ADAMTS13: variants seen among roughly 807,000 people sequenced by gnomAD.
The protein encoded by ADAMTS13 is ADAM metallopeptidase with thrombospondin type 1 motif 13.
ADAMTS13 carries 110 observed loss-of-function variants against 155.1 expected under a neutral mutation model. That is an observed-to-expected ratio of 0.71 (90% confidence interval 0.61 to 0.83). The LOEUF is 0.83. Ranked by LOEUF, ADAMTS13 falls within the 40% of genes least tolerant of loss-of-function variation. The pLI is 0.00. For missense variants in ADAMTS13, 1,707 were observed against 1,891.7 expected, an observed-to-expected ratio of 0.90 and a Z score of 1.81; for synonymous variants, 758 against 756.4, an observed-to-expected ratio of 1.00 and a Z score of -0.03.
chr9:133,428,811 C>T, intron 7 of ADAMTS13, 40 bp downstream of exon 7: 1 of 1,257,630 alleles, frequency 8.0e-7, no homozygotes, highest in South Asian at 2.6e-5. Context: ...GAGCCTCCAG[C>T]CAGCCCGCTG....
intron 25 of ADAMTS13, chr9:133,455,842 T>C: frequency 1.3e-6 from 1 of 762,342 alleles, no homozygotes; most frequent in Admixed American, 2.2e-5. Flanking sequence ...TGGGCTGCTC[T>C]GCATGTGCCC....
In ADAMTS13 at chr9:133,454,627, C is replaced by G. The variant is rs782260394; in HGVS notation, c.3249+8C>G. On this transcript the variant is annotated splice_region_variant and intron_variant, in intron 24 of 28. Transcript: ENST00000355699. ...GTTGGCACCTGGATGGAGGTGAGCA[C>G]AGCGGGCACTCGGAATCCCTATGGG... 1 of 1,592,012 alleles carries G rather than the reference C, an allele frequency of 6.3e-7. No individual in the cohort carries two copies. The highest frequency in any genetic ancestry group is 8.5e-7 in the Non-Finnish European group (1 of 1,175,640).
At chr9:133,419,811 T>C (rs904452726), upstream of ADAMTS13, among the ~76,000 whole-genome samples, 18 of 152,008 alleles carry the variant, frequency 1.2e-4, 1 homozygote, top group Admixed American at 1.0e-3. Context: ...TGATATCGGC[T>C]CACCACAATC....
chr9:133,441,985 C>T lies in ADAMTS13; in HGVS notation c.1969-414C>T, dbSNP rs1035221959. Among the ~76,000 whole-genome samples the T allele has an allele frequency of 6.6e-6, 1 of 152,214 alleles. No homozygotes were observed. Among genetic ancestry groups the T allele is most frequent in the African/African-American group, 2.4e-5 (1 of 41,444 alleles). ...ACCCTATCATGTAACCCACCAATGA[C>T]TTGGTAATTACCTCCCCGAGCCCTC... On this transcript the variant is annotated intron_variant, in intron 16 of 28. Transcript: ENST00000355699. This position sits in a 1 kb window ranked among gnomAD's most constrained non-coding sequence, Gnocchi z 5.0.
upstream of ADAMTS13, chr9:133,422,293 C>T: frequency 1.3e-6 from 1 of 756,010 alleles, no homozygotes; most frequent in Non-Finnish European, 2.2e-6. Flanking sequence ...TAGCCACGGC[C>T]CCTGCCCTGG....
rs1249023289 is a variant in ADAMTS13, at chr9:133,440,317, C to T, written c.1787-27C>T. 18 of 1,613,448 alleles carry T rather than the reference C, an allele frequency of 1.1e-5. No homozygotes were observed. Among genetic ancestry groups the T allele is most frequent in the South Asian group, 6.6e-5 (6 of 91,086 alleles). On this transcript the variant is annotated intron_variant, in intron 15 of 28. Coordinates refer to ENST00000355699, the MANE Select transcript of ADAMTS13 (RefSeq NM_139027.6). The surrounding 1 kb of genome is among the most constrained non-coding windows in gnomAD (Gnocchi z 4.3). ...AGGAGGATGGGTGCTCAGCTCCACACAGCTAACAGGGCTGGTTCCCCGACA... is the reference window on the plus strand; with the variant it reads ...AGGAGGATGGGTGCTCAGCTCCACATAGCTAACAGGGCTGGTTCCCCGACA...
rs587750165 is a variant in ADAMTS13, at chr9:133,414,487, T to C, written n.130T>C. On this transcript the variant is annotated non_coding_transcript_exon_variant, in exon 1 of 18. Coordinates refer to the ADAMTS13 transcript ENST00000485925. ...CTCAACGCTCGGAAGAAGCAGGCCCTGCCTTATCATGCGCACACTCTAGGG... is the reference window on the plus strand; with the variant it reads ...CTCAACGCTCGGAAGAAGCAGGCCCCGCCTTATCATGCGCACACTCTAGGG... The C allele has an allele frequency of 1.7e-3, 1,218 of 718,816 alleles. 19 individuals are homozygous for C. The South Asian group carries it at 0.017, about 10-fold the overall frequency. 44.5% of individuals were successfully genotyped at this position (718,816 alleles called of 1,614,324 possible).
intron 25 of ADAMTS13, 164 bp from the exon 26 acceptor site, chr9:133,455,905 A>C: frequency 1.1e-6 from 1 of 916,300 alleles, no homozygotes; most frequent in Admixed American, 2.0e-5. Flanking sequence ...TGATGCTCTG[A>C]CCTATGCAGC....
chr9:133,433,518 C>T lies in ADAMTS13; in HGVS notation c.1233C>T (p.Cys411=). ...GTGTGGTCACCAGGAGGCGGCAGTG[C>T]AACAACCCCAGGTACCGCAGGGAGG... ...GGGVVTRRRQ[C]NNPRPAFGGR... The change falls in exon 10 of 29, where the codon TGC becomes TGT. Residue 411 remains cysteine, a synonymous_variant. Transcript: ENST00000355699. The T allele has an allele frequency of 6.2e-7, 1 of 1,613,566 alleles. No individual in the cohort carries two copies. Among genetic ancestry groups the T allele is most frequent in the African/African-American group, 1.3e-5 (1 of 75,006 alleles).
rs960469671 is a variant in ADAMTS13 at position 133,441,994 on chromosome 9, T to A, written c.1969-405T>A. On this transcript the variant is annotated intron_variant, in intron 16 of 28. Transcript: ENST00000355699. The surrounding 1 kb of genome is among the most constrained non-coding windows in gnomAD (Gnocchi z 5.0). Reference sequence around the variant, plus strand: ...TGTAACCCACCAATGACTTGGTAATTACCTCCCCGAGCCCTCTATCCCAAC... The same window carrying A: ...TGTAACCCACCAATGACTTGGTAATAACCTCCCCGAGCCCTCTATCCCAAC... Among the ~76,000 whole-genome samples the A allele has an allele frequency of 1.3e-5, 2 of 152,158 alleles. No individual in the cohort carries two copies. The highest frequency in any genetic ancestry group is 2.9e-5 in the Non-Finnish European group (2 of 68,018).
Position 133,430,093 on chromosome 9 carries a change from G to T in ADAMTS13, c.979G>T (p.Glu327Ter). The change falls in exon 8 of 29, where the codon GAG becomes TAG. Residue 327 changes from glutamate to a stop codon, truncating the protein, a stop_gained. Transcript: ENST00000355699. LOFTEE classifies it high-confidence loss of function. ...GGCTGTCGCCTGCACCTTCGCCAGG[G>T]AGCACCTGGTGAGTCTGCCGGCGGT... ...PKAVACTFAR[E>*]HLDMCQALSC... 6.3e-7 allele frequency: 1 copy of T among 1,587,138 alleles called. No homozygotes were observed. The highest frequency in any genetic ancestry group is 1.1e-5 in the South Asian group (1 of 88,884).
In ADAMTS13 at chr9:133,459,273, GTATCT is replaced by G. The variant is rs1564449540; in HGVS notation, c.*94_*98del. The G allele has an allele frequency of 7.7e-7, 1 of 1,291,644 alleles. No homozygotes were observed. Among genetic ancestry groups the G allele is most frequent in the East Asian group, 2.5e-5 (1 of 39,766 alleles). The allele number at this position is 1,291,644 out of a possible 1,614,324, so 80.0% of individuals were successfully genotyped here. A position where few individuals can be genotyped will look rare whatever the true frequency, so the allele number is the denominator to read the frequency against. On this transcript the variant is annotated 3_prime_UTR_variant, in exon 29 of 29. Transcript: ENST00000355699. The stretch of plus-strand genomic sequence containing the variant: ...CAATTCGAACTTTTTCCAATCTTAG[GTATCT>G]ACTTTAGAGTCTTCTCCAATGTCCA...
At chr9:133,435,678 C>T (rs587658773) in intron 11 of ADAMTS13, among the ~76,000 whole-genome samples, 10 of 150,464 alleles carry the variant, frequency 6.6e-5, no homozygotes, top group African/African-American at 1.2e-4. Context: ...TACAGACGCC[C>T]GCCACCACGC....
Position 133,425,936 on chromosome 9 carries a change from A to T in ADAMTS13, c.415-2A>T. On this transcript the variant is annotated splice_acceptor_variant, in intron 4 of 28. Coordinates refer to ENST00000355699, the MANE Select transcript of ADAMTS13 (RefSeq NM_139027.6). LOFTEE classifies it high-confidence loss of function. This position sits in a 1 kb window ranked among gnomAD's most constrained non-coding sequence, Gnocchi z 4.6. ...AATGCAGGCTTTGCTGTGGGTCCGC[A>T]GGGTGCTCCAAATATCACAGCCAAC... 1 of 1,613,468 alleles carries T rather than the reference A, an allele frequency of 6.2e-7. No homozygotes were observed. The highest frequency in any genetic ancestry group is 2.2e-5 in the East Asian group (1 of 44,872).
rs1588165946 is a variant in ADAMTS13 at position 133,433,511 on chromosome 9, G to T, written c.1226G>T (p.Arg409Leu). ...SCGGGVVTRR[R>L]QCNNPRPAFG... ...GGAGGAGGTGTGGTCACCAGGAGGCGGCAGTGCAACAACCCCAGGTACCGC... is the reference window on the plus strand; with the variant it reads ...GGAGGAGGTGTGGTCACCAGGAGGCTGCAGTGCAACAACCCCAGGTACCGC... The change falls in exon 10 of 29, where the codon CGG (arginine) becomes CTG (leucine). Residue 409 changes from arginine (R) to leucine (L), a missense_variant. By Grantham distance (102) the Arg-to-Leu change is moderately radical. Coordinates refer to ENST00000355699, the MANE Select transcript of ADAMTS13 (RefSeq NM_139027.6). 1.2e-6 allele frequency: 2 copies of T among 1,613,440 alleles called. No homozygotes were observed. Among genetic ancestry groups the T allele is most frequent in the African/African-American group, 1.3e-5 (1 of 74,882 alleles).
rs1554784806 is a variant in ADAMTS13 at position 133,424,843 on chromosome 9, T to G, written c.330+365T>G. Among the ~76,000 whole-genome samples, 1 of 152,162 alleles carries G rather than the reference T, an allele frequency of 6.6e-6. No individual in the cohort carries two copies. Among genetic ancestry groups the G allele is most frequent in the Non-Finnish European group, 1.5e-5 (1 of 68,030 alleles). On this transcript the variant is annotated intron_variant, in intron 3 of 28. Transcript: ENST00000355699. This position sits in a 1 kb window ranked among gnomAD's most constrained non-coding sequence, Gnocchi z 4.3. ...CTCTGCACCCCGACCCTGCCCTCTC[T>G]CCATTCTCTTGTCCCCCGCTCAGAG...
At position 133,425,555 on chromosome 9, in the gene ADAMTS13, C is replaced by T. The variant is rs147563206; in HGVS notation, c.357C>T (p.Ser119=). The change falls in exon 4 of 29, where the codon TCC becomes TCT. Residue 119 remains serine, a synonymous_variant. Coordinates refer to ENST00000355699, the MANE Select transcript of ADAMTS13 (RefSeq NM_139027.6). This position sits in a 1 kb window ranked among gnomAD's most constrained non-coding sequence, Gnocchi z 4.6. ...NIGAELLRDP[S]LGAQFRVHLV... ...GGGCAGAACTGCTTCGGGACCCGTC[C>T]CTGGGGGCTCAGTTTCGGGTGCACC... is the stretch of plus-strand genomic sequence containing the variant. 3,491 of 1,613,516 alleles carry T rather than the reference C, an allele frequency of 2.2e-3. 31 individuals are homozygous for T. The African/African-American group carries it at 0.022, about 10-fold the overall frequency.
chr9:133,438,751 TA>T (rs1841437690), intron 14 of ADAMTS13, among the ~76,000 whole-genome samples: 1 of 151,854 alleles, frequency 6.6e-6, no homozygotes, highest in South Asian at 2.1e-4. Context: ...CCATCTCTAC[TA>T]AAAATACAAA....
chr9:133,453,923 C>G (rs1554794951), intron 23 of ADAMTS13, among the ~76,000 whole-genome samples: 1 of 152,098 alleles, frequency 6.6e-6, no homozygotes, highest in East Asian at 1.9e-4. Context: ...AAGATCCCAG[C>G]TCCCTTGCAG....
Sources: allele counts gnomAD v4.1 joint callset (sites outside exome capture counted in the v4.1 genomes callset), GRCh38; gene constraint gnomAD v4.1.1; non-coding constraint Gnocchi (gnomAD v3.1); transcripts MANE v1.5; gene names NCBI Gene and HGNC (gene_info 2026-07-23, HGNC 2026-07-21).